Variants in SMURF1 observed in about 807,000 individuals in gnomAD.
SMURF1 encodes the protein SMAD specific E3 ubiquitin protein ligase 1.
In SMURF1, 44 loss-of-function variants were observed where a neutral mutation model predicts 98.0. The observed-to-expected ratio is 0.45, with a 90% CI of 0.35 to 0.58. The LOEUF (loss-of-function observed/expected upper bound fraction) is 0.58, where lower values mean the gene tolerates loss of function less well. SMURF1 is among the 20% of genes least tolerant of loss of function. The probability of loss-of-function intolerance (pLI) is 0.00; values close to 1 mark genes in which losing one functional copy is unlikely to be tolerated. For synonymous variants in SMURF1, 396 were observed against 374.9 expected, an observed-to-expected ratio of 1.06 and a Z score of -0.65; for missense variants, 687 against 938.4, an observed-to-expected ratio of 0.73 and a Z score of 3.50.
chr7:99,134,679 C>A (rs999574715), intron 1 of SMURF1, among the ~76,000 whole-genome samples: 6 of 152,026 alleles, frequency 3.9e-5, no homozygotes, highest in Non-Finnish European at 7.4e-5. Flanking sequence ...TGGAAAAATA[C>A]TAAATTATTA....
At chr7:99,102,614 A>G (rs1011310678) in intron 1 of SMURF1, among the ~76,000 whole-genome samples, 3 of 152,230 alleles carry the variant, frequency 2.0e-5, no homozygotes, top group African/African-American at 7.2e-5. Context: ...AGAAATGTTA[A>G]GAATTCCTTA....
intron 14 of SMURF1, among the ~76,000 whole-genome samples, chr7:99,037,485 C>T (rs957247304): frequency 3.3e-5 from 5 of 152,288 alleles, no homozygotes; most frequent in Admixed American, 6.5e-5. Flanking sequence ...GTGATCCGCC[C>T]GCCTCGGTCT....
At chr7:99,050,306 T>C (rs1338282542) in intron 8 of SMURF1, 1 of 152,656 alleles carries the variant, frequency 6.6e-6, no homozygotes, top group African/African-American at 2.4e-5. Flanking sequence ...GCCCTAATAG[T>C]AGGAAGTATC....
chr7:99,103,219 C>A (rs369181340), intron 1 of SMURF1, among the ~76,000 whole-genome samples: 218 of 152,238 alleles, frequency 1.4e-3, no homozygotes, highest in Admixed American at 2.5e-3. Context: ...AGACATGGAG[C>A]TTCTAATCTC....
rs991156078 is a variant in SMURF1, at chr7:99,049,506, A to C, written c.953+57T>G. On this transcript the variant is annotated intron_variant, in intron 9 of 17. Coordinates refer to ENST00000361368, the MANE Select transcript of SMURF1 (RefSeq NM_181349.3). ...ATAAATTCACAAAAATACCAGTCCA[A>C]GAAAGCATTCGATTACCAATGAAAG... is the stretch of plus-strand genomic sequence containing the variant. 4.5e-6 allele frequency: 7 copies of C among 1,556,564 alleles called. No individual in the cohort carries two copies. In the East Asian group the frequency reaches 1.6e-4, roughly 35 times the overall value.
intron 1 of SMURF1, among the ~76,000 whole-genome samples, chr7:99,105,716 T>C (rs1244167491): frequency 6.6e-6 from 1 of 152,232 alleles, no homozygotes; most frequent in African/African-American, 2.4e-5. Context: ...TGACAGATTT[T>C]TGCATTCTAC....
chr7:99,122,861 A>G (rs1197370094), intron 1 of SMURF1, among the ~76,000 whole-genome samples: 2 of 151,314 alleles, frequency 1.3e-5, no homozygotes, highest in African/African-American at 4.9e-5. Flanking sequence ...CGAAGATCAA[A>G]TAATTGTCTA....
intron 11 of SMURF1, among the ~76,000 whole-genome samples, chr7:99,045,096 G>C (rs1795528617): frequency 6.6e-6 from 1 of 152,008 alleles, no homozygotes; most frequent in South Asian, 2.1e-4. Flanking sequence ...CTATGATTGT[G>C]CCACTGCACT....
intron 1 of SMURF1, among the ~76,000 whole-genome samples, chr7:99,077,346 T>C (rs1166089523): frequency 6.6e-6 from 1 of 151,480 alleles, no homozygotes; most frequent in Non-Finnish European, 1.5e-5. Context: ...TTTTTATTTT[T>C]TTTTTGAGAT....
At chr7:99,125,544 A>C (rs1228698604) in intron 1 of SMURF1, among the ~76,000 whole-genome samples, 1 of 152,208 alleles carries the variant, frequency 6.6e-6, no homozygotes, top group African/African-American at 2.4e-5. Context: ...ATGGGGCCTA[A>C]TCTATTCCCT....
chr7:99,035,948 C>T, intron 15 of SMURF1: 2 of 562,140 alleles, frequency 3.6e-6, no homozygotes, highest in South Asian at 4.1e-5. Flanking sequence ...CGGTGCACAG[C>T]TGTTGATGGG....
chr7:99,131,619 T>A (rs927183072), intron 1 of SMURF1, among the ~76,000 whole-genome samples: 4 of 152,054 alleles, frequency 2.6e-5, no homozygotes, highest in African/African-American at 9.7e-5. Flanking sequence ...TGGCTCATGC[T>A]GAGGTGGGGA....
At chr7:99,103,883 G>A (rs574263848) in intron 1 of SMURF1, among the ~76,000 whole-genome samples, 8 of 151,438 alleles carry the variant, frequency 5.3e-5, no homozygotes, top group Middle Eastern at 3.5e-3. Context: ...GGATATCTCC[G>A]GGCCACAACT....
chr7:99,091,646 C>A (rs1225513529), intron 1 of SMURF1, among the ~76,000 whole-genome samples: 1 of 152,158 alleles, frequency 6.6e-6, no homozygotes, highest in Non-Finnish European at 1.5e-5. Context: ...CAGATGGTTC[C>A]TAGCTAAAGC....
rs543687305 is a variant in SMURF1 at position 99,076,258 on chromosome 7, A to G, written c.56-14421T>C. 9.8e-5 allele frequency among the ~76,000 whole-genome samples: 15 copies of G among 152,326 alleles called. No individual in the cohort carries two copies. The South Asian group carries it at 1.9e-3, about 19-fold the overall frequency. On this transcript the variant is annotated intron_variant, in intron 1 of 17. Coordinates refer to ENST00000361368, the MANE Select transcript of SMURF1 (RefSeq NM_181349.3). ...GTGACTTCCTTCCAAAGAGTCCAGT[A>G]TGGAAAGAGAGGAAAAAAAAGTAAC...
At chr7:99,054,123 G>A (rs1191596604) in intron 6 of SMURF1, among the ~76,000 whole-genome samples, 1 of 151,928 alleles carries the variant, frequency 6.6e-6, no homozygotes, top group African/African-American at 2.4e-5. Flanking sequence ...TTTTTTGGTA[G>A]AGACAAAGTC....
At chr7:99,069,421 C>T (rs886824763) in intron 1 of SMURF1, among the ~76,000 whole-genome samples, 2 of 152,188 alleles carry the variant, frequency 1.3e-5, no homozygotes, top group African/African-American at 4.8e-5. Context: ...TGCAGTGGCA[C>T]GAACACAGCT....
chr7:99,100,212 C>G (rs1165536295), intron 1 of SMURF1, among the ~76,000 whole-genome samples: 1 of 152,012 alleles, frequency 6.6e-6, no homozygotes, highest in Non-Finnish European at 1.5e-5. Context: ...ATGTTGTACT[C>G]TACCTAGTAA....
intron 1 of SMURF1, among the ~76,000 whole-genome samples, chr7:99,083,199 G>C (rs1028035944): frequency 1.8e-4 from 28 of 152,160 alleles, no homozygotes; most frequent in African/African-American, 6.7e-4. Flanking sequence ...ATTTAAAATG[G>C]TGACTTTTAT....
Sources: gnomAD v4.1 joint callset for allele counts (sites outside exome capture counted in the v4.1 genomes callset) on GRCh38, gnomAD v4.1.1 for gene constraint, MANE v1.5 for transcripts, NCBI Gene and HGNC (gene_info 2026-07-23, HGNC 2026-07-21) for gene names.